The following IL18RAP variants were observed in gnomAD, a reference collection of about 807,000 sequenced individuals.
The protein encoded by IL18RAP is interleukin-18 receptor accessory protein.
In IL18RAP, 37 loss-of-function variants were observed where a neutral mutation model predicts 58.1. The observed-to-expected ratio is 0.64, with a 90% CI of 0.49 to 0.84. The LOEUF is 0.84. Among genes scored for constraint, IL18RAP ranks in the 40% least tolerant of loss-of-function variants. The probability of loss-of-function intolerance (pLI) is 0.00; values close to 1 mark genes in which losing one functional copy is unlikely to be tolerated. For missense variants in IL18RAP, 667 were observed against 704.8 expected, an observed-to-expected ratio of 0.95 and a Z score of 0.61; for synonymous variants, 268 against 257.5, an observed-to-expected ratio of 1.04 and a Z score of -0.39.
At chr2:102,432,076 TG>T (rs1389040387) in intron 3 of IL18RAP, among the ~76,000 whole-genome samples, 1 of 152,098 alleles carries the variant, frequency 6.6e-6, no homozygotes, top group East Asian at 1.9e-4. Context: ...TGATCTTTGG[TG>T]GTAGCAGACC....
chr2:102,421,510 G>C (rs573574251), upstream of IL18RAP, among the ~76,000 whole-genome samples: 26 of 152,326 alleles, frequency 1.7e-4, no homozygotes, highest in African/African-American at 6.3e-4. Flanking sequence ...TTCTTTCGGA[G>C]ACTTTGTGGA....
intron 8 of IL18RAP, among the ~76,000 whole-genome samples, chr2:102,447,447 C>T (rs1683495588): frequency 6.6e-6 from 1 of 152,152 alleles, no homozygotes. Flanking sequence ...GGTCTAGTGA[C>T]CTTACACTGA....
At chr2:102,444,419 GGAT>G (rs1319536355) in intron 6 of IL18RAP, among the ~76,000 whole-genome samples, 1 of 152,104 alleles carries the variant, frequency 6.6e-6, no homozygotes, top group East Asian at 1.9e-4. Context: ...GATAATCTAT[GGAT>G]AATAGCCTGC....
chr2:102,436,173 G>A (rs577744829), intron 3 of IL18RAP, among the ~76,000 whole-genome samples: 1 of 150,498 alleles, frequency 6.6e-6, no homozygotes, highest in East Asian at 1.9e-4. Flanking sequence ...GGGTAAAAAA[G>A]ATACATTATT....
intron 8 of IL18RAP, among the ~76,000 whole-genome samples, chr2:102,449,540 A>G (rs1465143941): frequency 3.3e-5 from 5 of 152,156 alleles, no homozygotes; most frequent in African/African-American, 1.2e-4. Flanking sequence ...ATCTGGAGGC[A>G]GAATCCAGTT....
intron 3 of IL18RAP, among the ~76,000 whole-genome samples, chr2:102,432,725 C>G (rs1470105090): frequency 6.6e-6 from 1 of 152,172 alleles, no homozygotes; most frequent in Non-Finnish European, 1.5e-5. Context: ...GCCTTTGCCT[C>G]CTGGCCTGGG....
chr2:102,424,188 T>C (rs372796037), intron 2 of IL18RAP, 43 bp from the exon 3 acceptor site: 1 of 1,609,248 alleles, frequency 6.2e-7, no homozygotes, highest in Non-Finnish European at 8.5e-7. Context: ...CTCTATTATC[T>C]AGACAAAATA....
chr2:102,449,507 AAGACAATGTTTTT>A, intron 8 of IL18RAP, among the ~76,000 whole-genome samples: 1 of 152,250 alleles, frequency 6.6e-6, no homozygotes, highest in South Asian at 2.1e-4. Context: ...CTATTTTGCA[AAGACAATGTTTTT>A]AGTGATCAGA....
chr2:102,451,947 T>G lies in IL18RAP; in HGVS notation c.1566T>G (p.Ser522=). The G allele has an allele frequency of 6.2e-7, 1 of 1,614,196 alleles. No individual in the cohort carries two copies. The highest frequency in any genetic ancestry group is 1.6e-4 in the Middle Eastern group (1 of 6,062). The change falls in exon 10 of 10, where the codon TCT becomes TCG. Residue 522 remains serine (S), a synonymous_variant. Transcript: ENST00000687160. ...IKFCYFQEPE[S]LPHLVKKALR... ...TCTGTTACTTCCAAGAGCCAGAGTC[T>G]CTACCTCATCTCGTGAAAAAAGCTC...
chr2:102,447,101 C>T lies in IL18RAP; in HGVS notation c.1104C>T (p.Ile368=), dbSNP rs190831931. The T allele has an allele frequency of 8.9e-5, 143 of 1,614,058 alleles. 1 individual carries two copies. Among genetic ancestry groups the T allele is most frequent in the African/African-American group, 5.3e-5 (4 of 75,048 alleles). ...VVLLYILLGT[I]GTLVAVLAAS... is the part of the protein sequence containing the mutation. ...TCCTGTACATCCTGCTTGGCACCATCGGGACCCTGGTGGCCGTGCTGGCGG... is the reference window on the plus strand; with the variant it reads ...TCCTGTACATCCTGCTTGGCACCATTGGGACCCTGGTGGCCGTGCTGGCGG... Residue 368 remains isoleucine, a synonymous_variant, in exon 8 of 10, where the codon ATC becomes ATT. Transcript: ENST00000687160.
intron 3 of IL18RAP, chr2:102,434,313 A>G (rs549501109): frequency 6.6e-6 from 1 of 152,370 alleles, no homozygotes; most frequent in African/African-American, 2.4e-5. Context: ...GTCTTTCCAC[A>G]AAAACTGAAA....
chr2:102,448,133 G>A (rs2104383767), intron 8 of IL18RAP, among the ~76,000 whole-genome samples: 1 of 152,320 alleles, frequency 6.6e-6, no homozygotes, highest in Middle Eastern at 3.4e-3. Flanking sequence ...CCTGCCATGT[G>A]TGTTAGCTAC....
At chr2:102,423,124 A>T (rs3817465), upstream of IL18RAP, 552,330 of 750,668 alleles carry the variant, frequency 0.74, 207,881 homozygotes, top group African/African-American at 0.89. Context: ...CCTGTGTGAG[A>T]TGCACTTTGT....
chr2:102,445,011 A>T (rs1683326894), intron 6 of IL18RAP, among the ~76,000 whole-genome samples, 178 bp from the exon 7 acceptor site: 1 of 152,222 alleles, frequency 6.6e-6, no homozygotes, highest in African/African-American at 2.4e-5. Context: ...TAGAAGAGTC[A>T]ATAATTGAAT....
chr2:102,431,971 A>G (rs534919903), intron 3 of IL18RAP, among the ~76,000 whole-genome samples: 1 of 152,068 alleles, frequency 6.6e-6, no homozygotes, highest in East Asian at 1.9e-4. Context: ...GTTTCTTTTG[A>G]TGGTGACATA....
chr2:102,419,507 C>A (rs993491734), upstream of IL18RAP: 1 of 152,336 alleles, frequency 6.6e-6, no homozygotes, highest in South Asian at 2.1e-4. Flanking sequence ...TCTCTCTCCC[C>A]CGTTTCTCAC....
At chr2:102,435,217 G>A (rs1237599823) in intron 3 of IL18RAP, 1 of 152,212 alleles carries the variant, frequency 6.6e-6, no homozygotes, top group Non-Finnish European at 1.5e-5. Context: ...GGAAATAAAG[G>A]TTGTGTGGTT....
At chr2:102,447,280 A>G (rs1158639223) in intron 8 of IL18RAP, 73 bp downstream of exon 8, 31 of 1,502,426 alleles carry the variant, frequency 2.1e-5, no homozygotes, top group Non-Finnish European at 2.7e-5. Context: ...AACAGAAAAT[A>G]CCATCACTAC....
intron 3 of IL18RAP, among the ~76,000 whole-genome samples, chr2:102,426,965 G>A (rs1224062205): frequency 6.6e-6 from 1 of 151,980 alleles, no homozygotes; most frequent in African/African-American, 2.4e-5. Flanking sequence ...ACTTCTATGA[G>A]TTCAACTTTT....
Sources: gnomAD v4.1 joint callset for allele counts (sites outside exome capture counted in the v4.1 genomes callset) on GRCh38, gnomAD v4.1.1 for gene constraint, MANE v1.5 for transcripts, NCBI Gene and HGNC (gene_info 2026-07-23, HGNC 2026-07-21) for gene names.